Variants in CNTN1 observed in about 807,000 individuals in gnomAD.
CNTN1 encodes contactin 1, also known as contactin-1.
CNTN1 carries 38 observed loss-of-function variants against 126.4 expected under a neutral mutation model. The ratio of observed to expected loss-of-function variants is 0.30; its 90% CI spans 0.23 to 0.39. The LOEUF (loss-of-function observed/expected upper bound fraction) is 0.39. Ranked by LOEUF, CNTN1 falls within the 10% of genes least tolerant of loss-of-function variation. The pLI, the probability that CNTN1 is intolerant of heterozygous loss-of-function variation, is 1.00. For missense variants in CNTN1, 1,009 were observed against 1,248.4 expected, an observed-to-expected ratio of 0.81 and a Z score of 2.89; for synonymous variants, 413 against 422.6, an observed-to-expected ratio of 0.98 and a Z score of 0.28.
intron 9 of CNTN1, among the ~76,000 whole-genome samples, chr12:40,934,592 A>G (rs1333801543): frequency 6.6e-6 from 1 of 151,952 alleles, no homozygotes; most frequent in Non-Finnish European, 1.5e-5. Context: ...TTTGCAGGTC[A>G]CAAGTGAATA....
Position 40,734,876 on chromosome 12 carries a change from CA to C in CNTN1, c.-77+42285del, listed in dbSNP as rs1942583038. 2.0e-5 allele frequency among the ~76,000 whole-genome samples: 3 copies of C among 151,994 alleles called. No individual in the cohort carries two copies. The South Asian group carries it at 6.2e-4, about 32-fold the overall frequency. On this transcript the variant is annotated intron_variant, in intron 1 of 23. Coordinates refer to ENST00000551295, the MANE Select transcript of CNTN1 (RefSeq NM_001843.4). ...GAAATTGATTTTGGAGGTGTTTTCT[CA>C]CAAGAAGTATAATTTATCAACTAAG...
At chr12:40,744,755 G>T (rs1938110022) in intron 1 of CNTN1, among the ~76,000 whole-genome samples, 1 of 152,110 alleles carries the variant, frequency 6.6e-6, no homozygotes, top group Non-Finnish European at 1.5e-5. Context: ...TTTTAAGGAT[G>T]ACCAGAGGAG....
chr12:40,979,521 A>G (rs1947766565), intron 15 of CNTN1, among the ~76,000 whole-genome samples: 1 of 152,120 alleles, frequency 6.6e-6, no homozygotes, highest in Non-Finnish European at 1.5e-5. Flanking sequence ...GGTGCTACTT[A>G]ATAAAAATTA....
At chr12:40,780,771 G>T (rs1231358126) in intron 1 of CNTN1, among the ~76,000 whole-genome samples, 1 of 149,730 alleles carries the variant, frequency 6.7e-6, no homozygotes. Context: ...TTAAGGAGAG[G>T]TTAAGGCATT....
chr12:41,071,014 T>C lies in CNTN1; in HGVS notation c.*979T>C, dbSNP rs1353040508. On this transcript the variant is annotated 3_prime_UTR_variant, in exon 24 of 24. Coordinates refer to ENST00000551295, the MANE Select transcript of CNTN1 (RefSeq NM_001843.4). The stretch of plus-strand genomic sequence containing the variant: ...CATTCCTAAGTATTACGTTTCTTTA[T>C]TGCAGATGTCAGATCAAAAAGTCAC... The C allele has an allele frequency of 6.6e-6, 1 of 152,000 alleles. No homozygotes were observed. The highest frequency in any genetic ancestry group is 1.5e-5 in the Non-Finnish European group (1 of 67,988). The allele number at this position is 152,000 out of a possible 1,614,324, so 9.4% of individuals were successfully genotyped here. A position where few individuals can be genotyped will look rare whatever the true frequency, so the allele number is the denominator to read the frequency against.
intron 23 of CNTN1, among the ~76,000 whole-genome samples, chr12:41,036,957 T>C (rs1405240283): frequency 6.6e-6 from 1 of 152,218 alleles, no homozygotes; most frequent in Non-Finnish European, 1.5e-5. Context: ...ATTTCACTAT[T>C]TTTTGTTACT....
chr12:40,933,932 C>A, intron 9 of CNTN1, 54 bp downstream of exon 9: 2 of 1,360,476 alleles, frequency 1.5e-6, no homozygotes, highest in Non-Finnish European at 2.1e-6. Context: ...TATTTAGAGC[C>A]ATTTCCATAC....
chr12:40,699,817 T>C (rs1475147624), intron 1 of CNTN1, among the ~76,000 whole-genome samples: 8 of 151,910 alleles, frequency 5.3e-5, no homozygotes, highest in African/African-American at 1.2e-4. Context: ...TAGTGGCAAA[T>C]CTGGACAAGT....
At chr12:40,919,765 C>G (rs1419317573) in intron 4 of CNTN1, among the ~76,000 whole-genome samples, 2 of 152,090 alleles carry the variant, frequency 1.3e-5, no homozygotes, top group African/African-American at 4.8e-5. Flanking sequence ...AAATCACCAT[C>G]CCATTGAAAT....
intron 1 of CNTN1, among the ~76,000 whole-genome samples, chr12:40,795,348 C>T (rs1173294245): frequency 2.1e-5 from 3 of 141,454 alleles, no homozygotes; most frequent in Non-Finnish European, 3.0e-5. Flanking sequence ...AACAAAGTCT[C>T]GCTCTGTCGC....
At chr12:41,054,081 A>G (rs893059493) in intron 23 of CNTN1, among the ~76,000 whole-genome samples, 1 of 151,878 alleles carries the variant, frequency 6.6e-6, no homozygotes, top group Non-Finnish European at 1.5e-5. Flanking sequence ...AAGTTATATT[A>G]TTCTCAAATT....
At chr12:40,959,343 A>C in intron 15 of CNTN1, 109 bp downstream of exon 15, 6 of 1,168,794 alleles carry the variant, frequency 5.1e-6, no homozygotes, top group Non-Finnish European at 7.5e-6. Context: ...TTAGAGTCTC[A>C]ATCCCATGCT....
intron 1 of CNTN1, among the ~76,000 whole-genome samples, chr12:40,907,905 G>A (rs562169765): frequency 1.3e-5 from 2 of 152,314 alleles, no homozygotes; most frequent in East Asian, 3.9e-4. Context: ...GAGTTTACAA[G>A]CTCTTATACA....
chr12:40,806,209 G>T (rs1206763916), intron 1 of CNTN1, among the ~76,000 whole-genome samples: 1 of 152,014 alleles, frequency 6.6e-6, no homozygotes, highest in Non-Finnish European at 1.5e-5. Flanking sequence ...CAGCATTTCT[G>T]CCCCTCCTCC....
intron 14 of CNTN1, among the ~76,000 whole-genome samples, chr12:40,952,281 C>A (rs892304328): frequency 2.6e-5 from 4 of 151,920 alleles, no homozygotes; most frequent in African/African-American, 9.7e-5. Flanking sequence ...AATAGTAAAT[C>A]TTTGGGTAGT....
chr12:40,698,718 T>A (rs1299593615), intron 1 of CNTN1, among the ~76,000 whole-genome samples: 1 of 152,146 alleles, frequency 6.6e-6, no homozygotes, highest in Non-Finnish European at 1.5e-5. Flanking sequence ...CTGCTGAAAA[T>A]TTTTTGAGTT....
At chr12:40,847,053 A>G (rs1036181604) in intron 1 of CNTN1, among the ~76,000 whole-genome samples, 1 of 151,988 alleles carries the variant, frequency 6.6e-6, no homozygotes, top group Non-Finnish European at 1.5e-5. Context: ...TTTTTAGTAG[A>G]GACGGGGTTT....
intron 1 of CNTN1, among the ~76,000 whole-genome samples, chr12:40,798,232 A>C (rs1245715206): frequency 6.6e-6 from 1 of 152,024 alleles, no homozygotes; most frequent in Non-Finnish European, 1.5e-5. Context: ...AAAGGAGGAG[A>C]GCCTGTGTCT....
chr12:40,969,348 T>A (rs949983115), intron 15 of CNTN1, among the ~76,000 whole-genome samples: 2 of 152,154 alleles, frequency 1.3e-5, no homozygotes, highest in Non-Finnish European at 2.9e-5. Flanking sequence ...GAGATTTTAG[T>A]GCTTTTGAAT....
Sources: allele counts gnomAD v4.1 joint callset (sites outside exome capture counted in the v4.1 genomes callset), GRCh38; gene constraint gnomAD v4.1.1; transcripts MANE v1.5; gene names NCBI Gene and HGNC (gene_info 2026-07-23, HGNC 2026-07-21).